The following CD4 variants were observed in gnomAD, a reference collection of about 807,000 sequenced individuals.
CD4 encodes the protein CD4 molecule.
In CD4, 25 loss-of-function variants were observed where a neutral mutation model predicts 50.5. The ratio of observed to expected loss-of-function variants is 0.49; its 90% confidence interval spans 0.36 to 0.69. The LOEUF (loss-of-function observed/expected upper bound fraction) is 0.69. Among genes scored for constraint, CD4 ranks in the 30% least tolerant of loss-of-function variants. The pLI, the probability that CD4 is intolerant of heterozygous loss-of-function variation, is 0.00. For missense variants in CD4, 456 were observed against 548.5 expected (o/e 0.83, Z 1.68); for synonymous variants, 207 against 221.9 (o/e 0.93, Z 0.60).
At chr12:6,803,180 T>C (rs1183746411) in intron 3 of CD4, among the ~76,000 whole-genome samples, 1 of 152,090 alleles carries the variant, frequency 6.6e-6, no homozygotes, top group Non-Finnish European at 1.5e-5. Context: ...AGACAGAGTC[T>C]CATTTGGACG....
chr12:6,804,468 T>C (rs1429311528), intron 3 of CD4, among the ~76,000 whole-genome samples: 1 of 152,220 alleles, frequency 6.6e-6, no homozygotes, highest in Non-Finnish European at 1.5e-5. Flanking sequence ...AATTAATAAA[T>C]GAATTCATCA....
intron 1 of CD4, among the ~76,000 whole-genome samples, chr12:6,795,802 C>G (rs1424797722): frequency 6.6e-6 from 1 of 152,188 alleles, no homozygotes; most frequent in African/African-American, 2.4e-5. Context: ...TTCTTTCCCC[C>G]ACCCTTCCAT....
At position 6,792,136 on chromosome 12, in the gene CD4, C is replaced by G. The variant is rs772546227; in HGVS notation, c.-68+2474C>G. On this transcript the variant is annotated intron_variant, in intron 1 of 9. Coordinates refer to ENST00000011653, the MANE Select transcript of CD4 (RefSeq NM_000616.5). The surrounding 1 kb of genome is among the most constrained non-coding windows in gnomAD (Gnocchi z 4.1). ...TAGTCAGCAGTAGAGAGGGTGAACG[C>G]GGTGGGGCACATCCCGCGGCTGGGC... Among the ~76,000 whole-genome samples the G allele has an allele frequency of 6.6e-6, 1 of 152,038 alleles. No homozygotes were observed. Among genetic ancestry groups the G allele is most frequent in the Non-Finnish European group, 1.5e-5 (1 of 67,986 alleles).
In CD4 at chr12:6,814,875, C is replaced by G. The variant is rs191620221; in HGVS notation, c.490C>G (p.Gln164Glu). 6.2e-7 allele frequency: 1 copy of G among 1,613,436 alleles called. No individual in the cohort carries two copies. Among genetic ancestry groups the G allele is most frequent in the East Asian group, 2.2e-5 (1 of 44,872 alleles). The change falls in exon 5 of 10, where the codon CAG becomes GAG. Residue 164 changes from glutamine (Q) to glutamate (E), a missense_variant. Transcript: ENST00000011653. The part of the protein sequence containing the change: ...QCRSPRGKNI[Q>E]GGKTLSVSQL... ...TAGGAGTCCAAGGGGTAAAAACATA[C>G]AGGGGGGGAAGACCCTCTCCGTGTC...
Position 6,814,248 on chromosome 12 carries a change from C to T in CD4, c.321C>T (p.Tyr107=). 4 of 1,613,992 alleles carry T rather than the reference C, an allele frequency of 2.5e-6. No homozygotes were observed. The highest frequency in any genetic ancestry group is 1.1e-5 in the South Asian group (1 of 91,088). The change falls in exon 4 of 10, where the codon TAC becomes TAT. Residue 107 remains tyrosine (Y), a synonymous_variant. Transcript: ENST00000011653. ...TTAAGATAGAAGACTCAGATACTTACATCTGTGAAGTGGAGGACCAGAAGG... is the reference window on the plus strand; with the variant it reads ...TTAAGATAGAAGACTCAGATACTTATATCTGTGAAGTGGAGGACCAGAAGG... The part of the protein sequence containing the change: ...KNLKIEDSDT[Y]ICEVEDQKEE...
In CD4 at chr12:6,818,970, A is replaced by AGAGGAGGGGGAGGAAGGG; in HGVS notation, c.1346+59_1346+60insGAGGGGGAGGAAGGGGAG. On this transcript the variant is annotated intron_variant, in intron 9 of 9. Transcript: ENST00000011653. The surrounding 1 kb of genome is among the most constrained non-coding windows in gnomAD (Gnocchi z 5.0). ...GGGAAAGGGGGAGGGGGAGGGAGTT[A>AGAGGAGGGGGAGGAAGGG]GAGAGGAGGGGGAGGAAGGGGAGCA... The AGAGGAGGGGGAGGAAGGG allele has an allele frequency of 1.6e-6, 1 of 612,946 alleles. No homozygotes were observed. Among genetic ancestry groups the AGAGGAGGGGGAGGAAGGG allele is most frequent in the Non-Finnish European group, 3.0e-6 (1 of 331,746 alleles). 38.0% of individuals were successfully genotyped at this position (612,946 alleles called of 1,614,324 possible). A position where few individuals can be genotyped will look rare whatever the true frequency, so the allele number is the denominator to read the frequency against.
intron 3 of CD4, among the ~76,000 whole-genome samples, chr12:6,806,843 C>T (rs1023401630): frequency 6.6e-6 from 1 of 152,222 alleles, no homozygotes; most frequent in East Asian, 1.9e-4. Flanking sequence ...GGCAAAGCCA[C>T]TCTGGAAAAC....
intron 3 of CD4, 47 bp downstream of exon 3, chr12:6,800,518 G>C (rs1555115101): frequency 6.5e-7 from 1 of 1,528,956 alleles, no homozygotes; most frequent in Admixed American, 1.9e-5. Flanking sequence ...ACACTATGGA[G>C]TGAAAGCCTT....
rs1943107859 is a variant in CD4, at chr12:6,817,330, G to A, written c.1156G>A (p.Val386Ile). 1.3e-6 allele frequency: 2 copies of A among 1,552,788 alleles called. No individual in the cohort carries two copies. The highest frequency in any genetic ancestry group is 2.0e-5 in the Admixed American group (1 of 51,066). Residue 386 changes from valine to isoleucine, a missense_variant and splice_region_variant, in exon 7 of 10, where the codon GTT becomes ATT. Transcript: ENST00000011653. The part of the protein sequence containing the change: ...GQVLLESNIK[V>I]LPTWSTPVQP... ...GGTCCTGCTGGAATCCAACATCAAG[G>A]GTAAGGACCCAGGTTCCAAGGCCTC...
intron 3 of CD4, among the ~76,000 whole-genome samples, chr12:6,800,876 T>C (rs1942522914): frequency 1.3e-5 from 2 of 151,730 alleles, no homozygotes; most frequent in Non-Finnish European, 1.5e-5. Context: ...CTGAACAACA[T>C]AGTGAGACTC....
At position 6,818,894 on chromosome 12, in the gene CD4, GA is replaced by G. The variant is rs1555118569; in HGVS notation, c.1328del (p.Lys443ArgfsTer42). Reference protein sequence around the residue: ...SQIKRLLSEKKTCQCPHRFQK... With the variant: ...SQIKRLLSEKXTCQCPHRFQK... ...AGATCAAGAGACTCCTCAGTGAGAAGAAGACCTGCCAGTGTCCTCAGTAAGG... is the reference window on the plus strand; with the variant it reads ...AGATCAAGAGACTCCTCAGTGAGAAGAGACCTGCCAGTGTCCTCAGTAAGG... On this transcript the variant is annotated frameshift_variant, in exon 9 of 10. Coordinates refer to ENST00000011653, the MANE Select transcript of CD4 (RefSeq NM_000616.5). LOFTEE classifies it high-confidence loss of function. The surrounding 1 kb of genome is among the most constrained non-coding windows in gnomAD (Gnocchi z 5.0). 1.3e-6 allele frequency: 2 copies of G among 1,565,110 alleles called. No homozygotes were observed. The highest frequency in any genetic ancestry group is 8.7e-7 in the Non-Finnish European group (1 of 1,150,948).
At position 6,800,109 on chromosome 12, in the gene CD4, C is replaced by T. The variant is rs782493725; in HGVS notation, c.-30C>T. On this transcript the variant is annotated 5_prime_UTR_variant, in exon 2 of 10. Coordinates refer to ENST00000011653, the MANE Select transcript of CD4 (RefSeq NM_000616.5). ...CTGTGGGCTCAGGTCCCTACTGGCT[C>T]AGGCCCCTGCCTCCCTCGGCAAGGC... 6.8e-6 allele frequency: 11 copies of T among 1,611,322 alleles called. No individual in the cohort carries two copies. The South Asian group carries it at 9.9e-5, about 14-fold the overall frequency.
intron 3 of CD4, among the ~76,000 whole-genome samples, chr12:6,805,198 AAAAAAAAAGAAAAG>A (rs1475582419): frequency 2.3e-5 from 3 of 131,926 alleles, no homozygotes; most frequent in South Asian, 4.6e-4. Context: ...AAAAAAAAAA[AAAAAAAAAGAAAAG>A]AAAAGAAAAG....
In CD4 at chr12:6,818,553, C is replaced by T; in HGVS notation, c.1278+11C>T. The stretch of plus-strand genomic sequence containing the variant: ...TGCCGGCACCGAAGGGTGAGTAACC[C>T]CACACCTGGTCCCCACAAGGCCCTC... On this transcript the variant is annotated intron_variant, in intron 8 of 9. Coordinates refer to ENST00000011653, the MANE Select transcript of CD4 (RefSeq NM_000616.5). The surrounding 1 kb of genome is among the most constrained non-coding windows in gnomAD (Gnocchi z 5.0). 6.2e-7 allele frequency: 1 copy of T among 1,612,292 alleles called. No individual in the cohort carries two copies. Among genetic ancestry groups the T allele is most frequent in the Non-Finnish European group, 8.5e-7 (1 of 1,179,986 alleles).
intron 1 of CD4, among the ~76,000 whole-genome samples, chr12:6,797,682 CATAAATAAGTTT>C: frequency 6.6e-6 from 1 of 152,238 alleles, no homozygotes; most frequent in East Asian, 1.9e-4. Context: ...GACTCTGTGT[CATAAATAAGTTT>C]AAGGAAAGGT....
intron 3 of CD4, among the ~76,000 whole-genome samples, chr12:6,813,284 T>C (rs1942992495): frequency 6.6e-6 from 1 of 151,504 alleles, no homozygotes; most frequent in African/African-American, 2.4e-5. Flanking sequence ...CTCGAACTCC[T>C]GGGCACAAAC....
chr12:6,791,062 G>C (rs367679477), intron 1 of CD4, among the ~76,000 whole-genome samples: 1 of 152,212 alleles, frequency 6.6e-6, no homozygotes, highest in African/African-American at 2.4e-5. Context: ...AGACACTCGG[G>C]AGATGATTTC....
Position 6,814,983 on chromosome 12 carries a change from G to A in CD4, c.598G>A (p.Val200Met), listed in dbSNP as rs140406047. 2.4e-5 allele frequency: 39 copies of A among 1,609,880 alleles called. No individual in the cohort carries two copies. Among genetic ancestry groups the A allele is most frequent in the African/African-American group, 4.0e-5 (3 of 74,754 alleles). ...GAAGGTGGAGTTCAAAATAGACATC[G>A]TGGTGCTAGGTAAGGGAAGCCCCTC... is the stretch of plus-strand genomic sequence containing the variant. Reference protein sequence around the residue: ...QKKVEFKIDIVVLAFQKASSI... With the variant: ...QKKVEFKIDIMVLAFQKASSI... The change falls in exon 5 of 10, where the codon GTG (valine) becomes ATG (methionine). Residue 200 changes from valine to methionine, a missense_variant. By Grantham distance (21) the Val-to-Met change is conservative. Coordinates refer to ENST00000011653, the MANE Select transcript of CD4 (RefSeq NM_000616.5).
At chr12:6,804,833 G>A (rs1298035493) in intron 3 of CD4, among the ~76,000 whole-genome samples, 5 of 151,962 alleles carry the variant, frequency 3.3e-5, no homozygotes, top group Middle Eastern at 3.4e-3. Flanking sequence ...TGGCTAACAC[G>A]GTGAAACCCT....
Sources: allele counts gnomAD v4.1 joint callset (sites outside exome capture counted in the v4.1 genomes callset), GRCh38; gene constraint gnomAD v4.1.1; non-coding constraint Gnocchi (gnomAD v3.1); transcripts MANE v1.5; gene names NCBI Gene and HGNC (gene_info 2026-07-23, HGNC 2026-07-21).